RASGRP1: variants seen among roughly 807,000 people sequenced by gnomAD.
RASGRP1 encodes the protein RAS guanyl-releasing protein 1.
RASGRP1 carries 37 observed loss-of-function variants against 95.1 expected under a neutral mutation model. The ratio of observed to expected loss-of-function variants is 0.39; its 90% confidence interval spans 0.30 to 0.51. The LOEUF is 0.51. RASGRP1 is among the 20% of genes least tolerant of loss of function. The pLI is 0.80. For synonymous variants in RASGRP1, 325 were observed against 353.4 expected (o/e 0.92, Z 0.90); for missense variants, 711 against 965.4 (o/e 0.74, Z 3.49).
intron 2 of RASGRP1, among the ~76,000 whole-genome samples, chr15:38,550,201 G>A (rs1369486345): frequency 7.7e-6 from 1 of 129,296 alleles, no homozygotes; most frequent in Non-Finnish European, 1.5e-5. Flanking sequence ...AGTGAGCCCA[G>A]ATCATGCCAC....
At chr15:38,500,740 A>T (rs552804243) in intron 13 of RASGRP1, among the ~76,000 whole-genome samples, 1 of 152,238 alleles carries the variant, frequency 6.6e-6, no homozygotes, top group African/African-American at 2.4e-5. Context: ...AAGGATATAG[A>T]GCCTTGCATC....
intron 2 of RASGRP1, among the ~76,000 whole-genome samples, chr15:38,543,527 T>C (rs138696600): frequency 1.3e-5 from 2 of 151,794 alleles, no homozygotes; most frequent in Non-Finnish European, 2.9e-5. Flanking sequence ...TTCATGTCCA[T>C]TTAAACTCTG....
At chr15:38,515,926 T>C (rs1891758469) in intron 6 of RASGRP1, among the ~76,000 whole-genome samples, 1 of 151,360 alleles carries the variant, frequency 6.6e-6, no homozygotes, top group Non-Finnish European at 1.5e-5. Flanking sequence ...TGTGTGTGTG[T>C]GTGATGTGTG....
chr15:38,498,990 C>G lies in RASGRP1; in HGVS notation c.1721-44G>C, dbSNP rs775049630. ...GGGTCAAGAAGTCTTTCACTTTTCTCTCTTCCCCAGTGTGTCTCACAACCA... is the reference window on the plus strand; with the variant it reads ...GGGTCAAGAAGTCTTTCACTTTTCTGTCTTCCCCAGTGTGTCTCACAACCA... On this transcript the variant is annotated intron_variant, in intron 14 of 16. Coordinates refer to ENST00000310803, the MANE Select transcript of RASGRP1 (RefSeq NM_005739.4). 6.2e-6 allele frequency: 10 copies of G among 1,613,368 alleles called. No individual in the cohort carries two copies. In the South Asian group the frequency reaches 1.1e-4, roughly 18 times the overall value.
Position 38,507,755 on chromosome 15 carries a change from C to T in RASGRP1, c.1213G>A (p.Ala405Thr), listed in dbSNP as rs1399351748. 6.3e-7 allele frequency: 1 copy of T among 1,582,126 alleles called. No individual in the cohort carries two copies. Among genetic ancestry groups the T allele is most frequent in the Non-Finnish European group, 8.6e-7 (1 of 1,163,516 alleles). ...AGCAAGTGTACCAAGTCCTTGTTAG[C>T]CTCCAAGGGTGGGGCCACCTCTTGC... ...QLQEVAPPLE[A>T]NKDLVHLLTL... Residue 405 changes from alanine to threonine, a missense_variant, in exon 9 of 17, where the codon GCT (alanine) becomes ACT (threonine). Physicochemically the swap from Ala to Thr is moderately conservative, Grantham distance 58 (BLOSUM62 0). Transcript: ENST00000310803.
intron 1 of RASGRP1, among the ~76,000 whole-genome samples, chr15:38,561,778 CAGTA>C (rs774198978): frequency 1.6e-4 from 25 of 152,184 alleles, no homozygotes; most frequent in Non-Finnish European, 3.1e-4. Context: ...TAACCCTAGG[CAGTA>C]ATTCCTGAAA....
chr15:38,490,796 G>T (rs1479722594), intron 16 of RASGRP1, 108 bp from the exon 17 acceptor site: 11 of 1,164,798 alleles, frequency 9.4e-6, no homozygotes, highest in Non-Finnish European at 1.3e-5. Context: ...CTGTGGCTGA[G>T]AATTAACAAC....
chr15:38,513,377 T>C (rs1256006693), intron 6 of RASGRP1, among the ~76,000 whole-genome samples: 2 of 152,226 alleles, frequency 1.3e-5, no homozygotes, highest in African/African-American at 2.4e-5. Context: ...TTTTCTTACC[T>C]TAAAAATGTG....
At chr15:38,564,491 C>T (rs1038458492) in intron 1 of RASGRP1, 103 bp downstream of exon 1, 171 of 1,165,824 alleles carry the variant, frequency 1.5e-4, no homozygotes, top group Non-Finnish European at 1.8e-4. Context: ...CCCCGGCCCC[C>T]CTCCGCCCTC....
At chr15:38,561,908 A>G (rs137888133) in intron 1 of RASGRP1, among the ~76,000 whole-genome samples, 53 of 152,352 alleles carry the variant, frequency 3.5e-4, no homozygotes, top group African/African-American at 1.2e-3. Context: ...TGGTGACATG[A>G]ATTGAGTACC....
At chr15:38,536,800 A>G (rs1288024435) in intron 2 of RASGRP1, among the ~76,000 whole-genome samples, 1 of 152,270 alleles carries the variant, frequency 6.6e-6, no homozygotes, top group African/African-American at 2.4e-5. Flanking sequence ...ATTCTCTGCA[A>G]TGAACAGTCT....
In RASGRP1 at chr15:38,564,640, G is replaced by C; in HGVS notation, c.-12C>G. 1 of 1,330,250 alleles carries C rather than the reference G, an allele frequency of 7.5e-7. No homozygotes were observed. Among genetic ancestry groups the C allele is most frequent in the Non-Finnish European group, 9.7e-7 (1 of 1,032,688 alleles). 82.4% of individuals were successfully genotyped at this position (1,330,250 alleles called of 1,614,324 possible). On this transcript the variant is annotated 5_prime_UTR_variant, in exon 1 of 17. Coordinates refer to ENST00000310803, the MANE Select transcript of RASGRP1 (RefSeq NM_005739.4). Reference sequence around the variant, plus strand: ...CCCAGGGTGCCCATGGCCGCGGCCCGCGCTCCCGGTGCCGGCTCACCTAGC... The same window carrying C: ...CCCAGGGTGCCCATGGCCGCGGCCCCCGCTCCCGGTGCCGGCTCACCTAGC...
intron 2 of RASGRP1, among the ~76,000 whole-genome samples, chr15:38,536,501 G>T (rs1447791155): frequency 1.3e-5 from 2 of 152,170 alleles, no homozygotes; most frequent in Non-Finnish European, 2.9e-5. Flanking sequence ...TGCCCAATAG[G>T]CACGAAGAAG....
At chr15:38,498,662 G>A in intron 15 of RASGRP1, 132 bp downstream of exon 15, 3 of 1,094,792 alleles carry the variant, frequency 2.7e-6, no homozygotes, top group Non-Finnish European at 3.8e-6. Flanking sequence ...ACTGTGGGAG[G>A]GGTCAGCCCT....
chr15:38,555,178 A>G (rs1251690279), intron 2 of RASGRP1, among the ~76,000 whole-genome samples: 2 of 152,240 alleles, frequency 1.3e-5, no homozygotes, highest in African/African-American at 4.8e-5. Context: ...TACTTTCAAT[A>G]AGCTGAGGCC....
chr15:38,492,884 G>A (rs990979740), intron 16 of RASGRP1, among the ~76,000 whole-genome samples: 9 of 149,964 alleles, frequency 6.0e-5, no homozygotes, highest in Admixed American at 2.7e-4. Flanking sequence ...CTCCCCACCC[G>A]CTTTTTTTTT....
intron 15 of RASGRP1, among the ~76,000 whole-genome samples, chr15:38,497,129 TG>T (rs1890822846): frequency 6.6e-6 from 1 of 152,192 alleles, no homozygotes; most frequent in African/African-American, 2.4e-5. Flanking sequence ...TAATAAGCAC[TG>T]GATTTTTGCT....
At position 38,526,335 on chromosome 15, in the gene RASGRP1, A is replaced by G. The variant is rs1253891737; in HGVS notation, c.290T>C (p.Ile97Thr). ...QVMLTMHRIV[I>T]SSAELLQKVI... ...TTTTTGGAGCAGTTCTGCAGAGGAG[A>G]TGACAATTCGGTGCATGGTCAGCAT... The change falls in exon 3 of 17, where the codon ATC becomes ACC. Residue 97 changes from isoleucine to threonine, a missense_variant. Around this residue, in one of 3 missense-constraint regions of RASGRP1, gnomAD observed 491 missense variants for 676.6 expected, o/e 0.73. Transcript: ENST00000310803. The G allele has an allele frequency of 6.2e-7, 1 of 1,613,286 alleles. No individual in the cohort carries two copies. Among genetic ancestry groups the G allele is most frequent in the African/African-American group, 1.3e-5 (1 of 74,996 alleles).
intron 16 of RASGRP1, among the ~76,000 whole-genome samples, chr15:38,491,048 GAATTCTGTAATGCAAGGTGTTAGTT>G (rs1277573008): frequency 6.6e-6 from 1 of 152,130 alleles, no homozygotes; most frequent in Admixed American, 6.5e-5. Context: ...GCATGACTGA[GAATTCTGTAATGCAAGGTGTTAGTT>G]AATTTTATCT....
Sources: gnomAD v4.1 joint callset for allele counts (sites outside exome capture counted in the v4.1 genomes callset) on GRCh38, gnomAD v4.1.1 for gene constraint, gnomAD v4.1.1 regional missense constraint, MANE v1.5 for transcripts, NCBI Gene and HGNC (gene_info 2026-07-23, HGNC 2026-07-21) for gene names.